Variants in CDH12 observed in about 807,000 individuals in gnomAD.
CDH12 encodes cadherin-12.
Under a neutral mutation model 74.1 loss-of-function variants are expected in CDH12, and 41 were observed. The observed-to-expected ratio is 0.55, with a 90% CI of 0.43 to 0.72. The LOEUF (loss-of-function observed/expected upper bound fraction) is 0.72, where lower values mean the gene tolerates loss of function less well. Among genes scored for constraint, CDH12 ranks in the 30% least tolerant of loss-of-function variants. CDH12 has a pLI of 0.00. For synonymous variants in CDH12, 399 were observed against 355.0 expected (o/e 1.12, Z -1.39); for missense variants, 945 against 977.2 (o/e 0.97, Z 0.44).
chr5:21,797,035 A>C (rs1213141292), intron 10 of CDH12, among the ~76,000 whole-genome samples: 3 of 152,158 alleles, frequency 2.0e-5, no homozygotes, highest in African/African-American at 7.2e-5. Flanking sequence ...TAGAAAAGTG[A>C]AGAATAACTA....
intron 2 of CDH12, among the ~76,000 whole-genome samples, chr5:22,497,387 A>G (rs1426413971): frequency 6.6e-6 from 1 of 152,124 alleles, no homozygotes. Context: ...CTCACACTGC[A>G]TATATAATAC....
chr5:21,765,166 T>C, intron 11 of CDH12, 67 bp from the exon 12 acceptor site: 2 of 1,288,656 alleles, frequency 1.6e-6, no homozygotes, highest in East Asian at 2.7e-5. Flanking sequence ...CTACAATAAA[T>C]AGTATTTACA....
chr5:22,123,429 T>C (rs1434525367), intron 4 of CDH12, among the ~76,000 whole-genome samples: 6 of 152,186 alleles, frequency 3.9e-5, no homozygotes, highest in Non-Finnish European at 1.5e-5. Context: ...ATGTATCCTT[T>C]TGGTTCTTTT....
At chr5:22,321,322 T>G (rs532750879) in intron 3 of CDH12, among the ~76,000 whole-genome samples, 281 of 148,736 alleles carry the variant, frequency 1.9e-3, no homozygotes, top group Non-Finnish European at 3.5e-3. Context: ...CCATAAAAAA[T>G]GATGAGTTCA....
intron 4 of CDH12, among the ~76,000 whole-genome samples, chr5:22,079,897 T>C (rs1056510163): frequency 5.0e-5 from 6 of 120,452 alleles, no homozygotes; most frequent in Non-Finnish European, 9.6e-5. Flanking sequence ...ATTATGCAAA[T>C]GGAAAAAAAA....
At chr5:21,971,862 C>T (rs1324980606) in intron 6 of CDH12, among the ~76,000 whole-genome samples, 1 of 152,076 alleles carries the variant, frequency 6.6e-6, no homozygotes, top group African/African-American at 2.4e-5. Flanking sequence ...AATATTACTT[C>T]CCTGGAATAT....
chr5:21,827,198 C>T (rs372014332), intron 8 of CDH12, among the ~76,000 whole-genome samples: 67 of 152,016 alleles, frequency 4.4e-4, no homozygotes, highest in African/African-American at 1.6e-3. Context: ...GGTTGTGCTG[C>T]CTGAAAGTCA....
intron 6 of CDH12, among the ~76,000 whole-genome samples, chr5:21,922,748 T>C (rs1257074193): frequency 1.3e-5 from 2 of 152,106 alleles, no homozygotes; most frequent in Non-Finnish European, 2.9e-5. Context: ...GATCCACTTA[T>C]GGGCTTCCCG....
At chr5:22,015,661 T>C (rs927317873) in intron 5 of CDH12, among the ~76,000 whole-genome samples, 4 of 152,162 alleles carry the variant, frequency 2.6e-5, no homozygotes, top group Non-Finnish European at 5.9e-5. Context: ...AAATACCTAA[T>C]CATGATATAA....
chr5:21,791,325 T>C (rs961252207), intron 10 of CDH12, among the ~76,000 whole-genome samples: 2 of 152,078 alleles, frequency 1.3e-5, no homozygotes, highest in African/African-American at 4.8e-5. Flanking sequence ...CTACATTTTC[T>C]GGACAATTTT....
intron 2 of CDH12, among the ~76,000 whole-genome samples, chr5:22,478,610 G>A (rs1467951712): frequency 6.6e-6 from 1 of 151,648 alleles, no homozygotes; most frequent in Non-Finnish European, 1.5e-5. Flanking sequence ...AATATCAAGA[G>A]CAAATGTTTT....
chr5:21,908,307 T>C (rs1753728440), intron 6 of CDH12, among the ~76,000 whole-genome samples: 1 of 152,202 alleles, frequency 6.6e-6, no homozygotes, highest in South Asian at 2.1e-4. Context: ...GAGGACAATG[T>C]TATGTAACAA....
At chr5:22,239,827 G>T (rs1011191383) in intron 3 of CDH12, among the ~76,000 whole-genome samples, 1 of 152,062 alleles carries the variant, frequency 6.6e-6, no homozygotes, top group South Asian at 2.1e-4. Context: ...TAACAGAAAA[G>T]AATAACACTT....
At chr5:22,163,391 A>T (rs1409680709) in intron 4 of CDH12, among the ~76,000 whole-genome samples, 1 of 152,150 alleles carries the variant, frequency 6.6e-6, no homozygotes, top group Non-Finnish European at 1.5e-5. Flanking sequence ...ATCAATATTT[A>T]CCACTTGGAT....
intron 2 of CDH12, among the ~76,000 whole-genome samples, chr5:22,432,086 T>G (rs1022372351): frequency 3.3e-5 from 5 of 152,146 alleles, no homozygotes; most frequent in Non-Finnish European, 7.4e-5. Context: ...ACTGCCAGTT[T>G]TGCAAGTTGC....
intron 1 of CDH12, among the ~76,000 whole-genome samples, chr5:22,721,786 A>G (rs1307937995): frequency 6.6e-6 from 1 of 152,152 alleles, no homozygotes; most frequent in East Asian, 1.9e-4. Flanking sequence ...TTGTCATGAT[A>G]GAGAGTGAGT....
chr5:22,776,388 C>G (rs1747105980), intron 1 of CDH12, among the ~76,000 whole-genome samples: 1 of 152,102 alleles, frequency 6.6e-6, no homozygotes, highest in African/African-American at 2.4e-5. Context: ...TAAATGATCC[C>G]TGTCCGTCCT....
intron 4 of CDH12, chr5:22,144,170 T>C (rs1747006217): frequency 6.6e-6 from 1 of 152,198 alleles, no homozygotes; most frequent in African/African-American, 2.4e-5. Context: ...TTTTAGAAAA[T>C]AAATCATTTT....
intron 1 of CDH12, among the ~76,000 whole-genome samples, chr5:22,723,346 T>C (rs888913737): frequency 6.6e-6 from 1 of 152,126 alleles, no homozygotes; most frequent in Non-Finnish European, 1.5e-5. Flanking sequence ...AAGTATAACA[T>C]AAGATTTTCC....
Sources: allele counts gnomAD v4.1 joint callset (sites outside exome capture counted in the v4.1 genomes callset), GRCh38; gene constraint gnomAD v4.1.1; transcripts MANE v1.5; gene names NCBI Gene and HGNC (gene_info 2026-07-23, HGNC 2026-07-21).